Variants in ADGRF5 observed in about 807,000 individuals in gnomAD.
The protein encoded by ADGRF5 is G-protein coupled receptor 116.
A neutral mutation model predicts 132.3 loss-of-function variants in ADGRF5; 75 were observed. That is an observed-to-expected ratio of 0.57 (90% confidence interval 0.47 to 0.69). ADGRF5 has a LOEUF of 0.69. ADGRF5 is among the 30% of genes least tolerant of loss of function. ADGRF5 has a pLI of 0.00. For synonymous variants in ADGRF5, 629 were observed against 597.6 expected, an observed-to-expected ratio of 1.05 and a Z score of -0.77; for missense variants, 1,516 against 1,630.6, an observed-to-expected ratio of 0.93 and a Z score of 1.21.
intron 1 of ADGRF5, among the ~76,000 whole-genome samples, chr6:46,908,580 G>T (rs2150901861): frequency 6.6e-6 from 1 of 152,058 alleles, no homozygotes; most frequent in African/African-American, 2.4e-5. Context: ...TCCTTTTTTT[G>T]GTCAGTTAGC....
upstream of ADGRF5, among the ~76,000 whole-genome samples, chr6:46,923,219 C>T (rs193175060): frequency 3.9e-5 from 6 of 152,310 alleles, no homozygotes; most frequent in Non-Finnish European, 7.3e-5. Flanking sequence ...AGCCACTGCT[C>T]CTGGCCCTGA....
intron 4 of ADGRF5, chr6:46,887,985 G>C (rs549403679): frequency 1.4e-3 from 283 of 199,370 alleles, no homozygotes; most frequent in African/African-American, 5.9e-3. Flanking sequence ...GATATACCAA[G>C]GGAGGAGGAC....
intron 1 of ADGRF5, among the ~76,000 whole-genome samples, chr6:46,944,974 C>A (rs1363371740): frequency 6.6e-6 from 1 of 152,160 alleles, no homozygotes; most frequent in Non-Finnish European, 1.5e-5. Flanking sequence ...GTCAGTAAAT[C>A]AATCTCCATG....
At position 46,862,950 on chromosome 6, in the gene ADGRF5, A is replaced by G; in HGVS notation, c.2137T>C (p.Trp713Arg). The change falls in exon 15 of 21, where the codon TGG becomes CGG. Residue 713 changes from tryptophan to arginine, a missense_variant. Trp to Arg is a moderately radical substitution (Grantham distance 101). Around this residue, in one of 2 missense-constraint regions of ADGRF5, gnomAD observed 945 missense variants for 929.4 expected, o/e 1.02. Transcript: ENST00000283296. ...TITYKCVGSQ[W>R]EEKRNDCISA... ...ATGCAGTCATTTCTCTTCTCCTCCC[A>G]CTGGGAGCCTACACATTTGTAAGTG... 6.2e-7 allele frequency: 1 copy of G among 1,612,964 alleles called. No individual in the cohort carries two copies. The highest frequency in any genetic ancestry group is 1.7e-4 in the Middle Eastern group (1 of 6,060).
At chr6:46,920,137 AT>A (rs1331551775) in intron 1 of ADGRF5, among the ~76,000 whole-genome samples, 1 of 152,170 alleles carries the variant, frequency 6.6e-6, no homozygotes, top group Non-Finnish European at 1.5e-5. Context: ...ATTTCCTGTT[AT>A]TTTATCTTCT....
intron 1 of ADGRF5, among the ~76,000 whole-genome samples, chr6:46,946,860 C>T (rs997709457): frequency 3.9e-5 from 6 of 152,230 alleles, no homozygotes; most frequent in Admixed American, 3.3e-4. Flanking sequence ...CACTGGGCTT[C>T]GCTAGTGCTT....
intron 20 of ADGRF5, among the ~76,000 whole-genome samples, chr6:46,855,186 AT>A (rs951438373): frequency 9.2e-5 from 14 of 151,696 alleles, no homozygotes; most frequent in South Asian, 4.2e-4. Context: ...AACTGTGAAT[AT>A]TTTTTTTTCA....
At chr6:46,869,302 T>C in intron 11 of ADGRF5, 3 of 1,408,088 alleles carry the variant, frequency 2.1e-6, no homozygotes, top group South Asian at 1.5e-5. Context: ...TGCTCTGCAC[T>C]GTACTCATTT....
At chr6:46,901,073 G>A (rs220699) in intron 2 of ADGRF5, among the ~76,000 whole-genome samples, 55,257 of 152,066 alleles carry the variant, frequency 0.36, 12,294 homozygotes, top group Non-Finnish European at 0.48. Context: ...TGCTATTCAG[G>A]GAGGGGGCAT....
intron 10 of ADGRF5, among the ~76,000 whole-genome samples, chr6:46,872,670 C>T (rs1771210681): frequency 6.6e-6 from 1 of 152,086 alleles, no homozygotes; most frequent in African/African-American, 2.4e-5. Flanking sequence ...CCTTTCTTTC[C>T]TTTCCCAGAA....
chr6:46,864,922 G>T, intron 14 of ADGRF5, 120 bp downstream of exon 14: 2 of 694,634 alleles, frequency 2.9e-6, no homozygotes, highest in Non-Finnish European at 5.0e-6. Context: ...TGAGCCCAGG[G>T]CCTACCACAG....
chr6:46,900,049 G>A lies in ADGRF5; in HGVS notation c.137C>T (p.Ala46Val), dbSNP rs1562213426. The change falls in exon 3 of 21, where the codon GCA (alanine) becomes GTA (valine). Residue 46 changes from alanine to valine, a missense_variant. Physicochemically the swap from Ala to Val is moderately conservative, Grantham distance 64. This residue lies in a region of ADGRF5 where 945 missense variants were observed against 929.4 expected (regional missense o/e 1.02). Coordinates refer to ENST00000283296, the MANE Select transcript of ADGRF5 (RefSeq NM_001098518.2). ...LHEHEPAGEE[A>V]LRQKRAVATK... ...CATACCGGCTCGTTTTTGCCTCAGT[G>A]CCTCTTCACCAGCTGGTTCATGTTC... 1.2e-6 allele frequency: 2 copies of A among 1,612,324 alleles called. No individual in the cohort carries two copies. The highest frequency in any genetic ancestry group is 1.7e-6 in the Non-Finnish European group (2 of 1,178,414).
upstream of ADGRF5, among the ~76,000 whole-genome samples, chr6:46,925,325 C>T (rs1195533997): frequency 6.6e-6 from 1 of 152,204 alleles, no homozygotes; most frequent in East Asian, 1.9e-4. Flanking sequence ...CTTAGTGAGG[C>T]CTTCATTGAC....
intron 16 of ADGRF5, 136 bp from the exon 17 acceptor site, chr6:46,859,659 G>A (rs1358234008): frequency 2.4e-5 from 15 of 617,528 alleles, no homozygotes; most frequent in Non-Finnish European, 1.1e-5. Flanking sequence ...ATCACAGGCA[G>A]TGGGGATGTA....
intron 1 of ADGRF5, among the ~76,000 whole-genome samples, chr6:46,946,919 T>C (rs997201966): frequency 2.0e-5 from 3 of 152,334 alleles, no homozygotes; most frequent in South Asian, 2.1e-4. Context: ...CTGGGGATAA[T>C]TGAAGAGTTC....
At chr6:46,948,810 C>T (rs1448276684) in intron 1 of ADGRF5, among the ~76,000 whole-genome samples, 1 of 152,160 alleles carries the variant, frequency 6.6e-6, no homozygotes, top group Non-Finnish European at 1.5e-5. Context: ...TGACCCCAGC[C>T]CTCAAGACCA....
chr6:46,890,193 A>G (rs1173539165), intron 3 of ADGRF5, among the ~76,000 whole-genome samples: 1 of 151,960 alleles, frequency 6.6e-6, no homozygotes, highest in East Asian at 2.0e-4. Context: ...CCTGGGCCCA[A>G]GTGATTCTCT....
intron 9 of ADGRF5, 36 bp downstream of exon 9, chr6:46,879,782 T>C (rs1183433169): frequency 2.9e-6 from 4 of 1,361,006 alleles, no homozygotes; most frequent in Non-Finnish European, 4.2e-6. Context: ...AGCTCTTCAT[T>C]CCATTCCTCA....
Position 46,858,167 on chromosome 6 carries a change from CA to C in ADGRF5, c.3735del (p.Val1246CysfsTer26). The stretch of plus-strand genomic sequence containing the variant: ...AGGATGGCAAATATGATATGGAACA[CA>C]AGGTTGGTCCCTGGGAACACAGTGG... ...GLTTVFPGTN[L>X]VFHIIFAILN... On this transcript the variant is annotated frameshift_variant, in exon 17 of 21. Transcript: ENST00000283296. LOFTEE classifies it high-confidence loss of function. 6.2e-7 allele frequency: 1 copy of C among 1,613,892 alleles called. No homozygotes were observed. The highest frequency in any genetic ancestry group is 8.5e-7 in the Non-Finnish European group (1 of 1,179,888).
Sources: allele counts gnomAD v4.1 joint callset (sites outside exome capture counted in the v4.1 genomes callset), GRCh38; gene constraint gnomAD v4.1.1; regional missense constraint gnomAD v4.1.1; transcripts MANE v1.5; gene names NCBI Gene and HGNC (gene_info 2026-07-23, HGNC 2026-07-21).